The following KCNAB1 variants were observed in gnomAD, a reference collection of about 807,000 sequenced individuals.
KCNAB1 encodes the protein voltage-gated potassium channel subunit beta-1.
In KCNAB1, 35 loss-of-function variants were observed where a neutral mutation model predicts 64.6. The ratio of observed to expected loss-of-function variants is 0.54; its 90% CI spans 0.41 to 0.72. The LOEUF is 0.72. Ranked by LOEUF, KCNAB1 falls within the 30% of genes least tolerant of loss-of-function variation. KCNAB1 has a pLI of 0.00. For missense variants in KCNAB1, 401 were observed against 512.9 expected (o/e 0.78, Z 2.11); for synonymous variants, 177 against 183.8 (o/e 0.96, Z 0.30).
intron 1 of KCNAB1, among the ~76,000 whole-genome samples, chr3:156,158,199 T>A (rs867252483): frequency 0.011 from 1,595 of 138,974 alleles, 42 homozygotes; most frequent in Non-Finnish European, 0.019. Context: ...AATAAATAAA[T>A]AAATAAATAA....
intron 1 of KCNAB1, among the ~76,000 whole-genome samples, chr3:156,285,249 G>T (rs1430333076): frequency 6.6e-6 from 1 of 152,156 alleles, no homozygotes; most frequent in African/African-American, 2.4e-5. Context: ...CAAATTCTCT[G>T]TGAGTTAAGG....
chr3:156,360,954 G>A (rs1191928817), intron 1 of KCNAB1, among the ~76,000 whole-genome samples: 2 of 151,838 alleles, frequency 1.3e-5, no homozygotes, highest in Non-Finnish European at 2.9e-5. Flanking sequence ...TGTCTCCCTT[G>A]TCCCCTTGGC....
intron 1 of KCNAB1, among the ~76,000 whole-genome samples, chr3:156,244,834 A>G (rs899503492): frequency 1.3e-5 from 2 of 152,228 alleles, no homozygotes; most frequent in African/African-American, 2.4e-5. Context: ...TTTGTTGGTC[A>G]TATCAATTCA....
At chr3:156,411,130 C>T (rs1258279916) in intron 1 of KCNAB1, among the ~76,000 whole-genome samples, 2 of 152,132 alleles carry the variant, frequency 1.3e-5, no homozygotes, top group Non-Finnish European at 2.9e-5. Context: ...TGTTATCTTA[C>T]ACTTTCTAAT....
chr3:156,254,002 G>A (rs1210115863), intron 1 of KCNAB1, among the ~76,000 whole-genome samples: 1 of 152,182 alleles, frequency 6.6e-6, no homozygotes, highest in Non-Finnish European at 1.5e-5. Flanking sequence ...CAGAAGACAG[G>A]TATGTTCCTC....
In KCNAB1 at chr3:156,251,038, A is replaced by G. The variant is rs778309277; in HGVS notation, c.275+130152A>G. Among the ~76,000 whole-genome samples, 25 of 152,188 alleles carry G rather than the reference A, an allele frequency of 1.6e-4. 1 individual carries two copies. Among genetic ancestry groups the G allele is most frequent in the Admixed American group, 3.3e-4 (5 of 15,282 alleles). On this transcript the variant is annotated intron_variant, in intron 1 of 13. Coordinates refer to ENST00000490337, the MANE Select transcript of KCNAB1 (RefSeq NM_172160.3). Reference sequence around the variant, plus strand: ...AGAAGCTGGAAGGTACCCAGAGGGGAATTTTTATGAAAAATAGAAACTCAA... The same window carrying G: ...AGAAGCTGGAAGGTACCCAGAGGGGGATTTTTATGAAAAATAGAAACTCAA...
intron 8 of KCNAB1, among the ~76,000 whole-genome samples, chr3:156,503,473 A>G (rs987842633): frequency 3.9e-5 from 6 of 152,162 alleles, no homozygotes; most frequent in African/African-American, 1.4e-4. Flanking sequence ...TATTAAGAGG[A>G]TATAGCATCC....
intron 8 of KCNAB1, among the ~76,000 whole-genome samples, chr3:156,481,419 CAAA>C (rs34963527): frequency 6.8e-4 from 81 of 119,442 alleles, no homozygotes; most frequent in Non-Finnish European, 7.1e-4. Context: ...AAGCTTGTTG[CAAA>C]AAAAAAAAAA....
At chr3:156,147,823 C>A (rs1465025645) in intron 1 of KCNAB1, among the ~76,000 whole-genome samples, 7 of 152,082 alleles carry the variant, frequency 4.6e-5, no homozygotes, top group Admixed American at 1.3e-4. Flanking sequence ...GGTTGCACTT[C>A]TAGCTAGCAA....
At chr3:156,357,116 T>TTC (rs139325515) in intron 1 of KCNAB1, among the ~76,000 whole-genome samples, 23 of 146,590 alleles carry the variant, frequency 1.6e-4, no homozygotes, top group Middle Eastern at 3.5e-3. Flanking sequence ...ATACCACACA[T>TTC]TCTCTCTCTC....
intron 1 of KCNAB1, among the ~76,000 whole-genome samples, chr3:156,321,951 A>G (rs1722686539): frequency 6.6e-6 from 1 of 152,246 alleles, no homozygotes; most frequent in African/African-American, 2.4e-5. Flanking sequence ...TACCCTTGAA[A>G]ATAGGAAGGC....
At chr3:156,396,877 G>A (rs1251508376) in intron 1 of KCNAB1, among the ~76,000 whole-genome samples, 2 of 152,188 alleles carry the variant, frequency 1.3e-5, no homozygotes, top group Non-Finnish European at 2.9e-5. Context: ...CACATAACCA[G>A]TTACTTCAGT....
upstream of KCNAB1, among the ~76,000 whole-genome samples, chr3:156,119,128 A>C (rs1020805709): frequency 1.3e-5 from 2 of 152,206 alleles, no homozygotes; most frequent in Admixed American, 1.3e-4. Flanking sequence ...CATGGCTGTT[A>C]ATTGGTTAAT....
At chr3:156,175,836 A>G (rs1712332672) in intron 1 of KCNAB1, 1 of 657,696 alleles carries the variant, frequency 1.5e-6, no homozygotes, top group Non-Finnish European at 2.9e-6. Context: ...CTCAAAGACA[A>G]GTAGCCTTGG....
rs142779777 is a variant in KCNAB1, at chr3:156,273,418, T to C, written c.276-148198T>C. On this transcript the variant is annotated intron_variant, in intron 1 of 13. Coordinates refer to ENST00000490337, the MANE Select transcript of KCNAB1 (RefSeq NM_172160.3). ...ACTGCTGGGATGGGTAATTCCCCTCTGGCTAGGCCTGGTCTAAATGCTCCT... is the reference window on the plus strand; with the variant it reads ...ACTGCTGGGATGGGTAATTCCCCTCCGGCTAGGCCTGGTCTAAATGCTCCT... 2.4e-3 allele frequency: 777 copies of C among 323,618 alleles called. 12 individuals are homozygous for C. Among genetic ancestry groups the C allele is most frequent in the Middle Eastern group, 0.015 (34 of 2,310 alleles). The allele number at this position is 323,618 out of a possible 1,614,324, so 20.0% of individuals were successfully genotyped here.
chr3:156,280,894 A>G (rs1284564735), intron 1 of KCNAB1, among the ~76,000 whole-genome samples: 6 of 149,166 alleles, frequency 4.0e-5, no homozygotes, highest in East Asian at 2.0e-4. Flanking sequence ...TAGATAAACA[A>G]TCATGTCATC....
At chr3:156,287,814 C>T (rs1275833549) in intron 1 of KCNAB1, among the ~76,000 whole-genome samples, 1 of 148,682 alleles carries the variant, frequency 6.7e-6, no homozygotes, top group African/African-American at 2.5e-5. Flanking sequence ...AAAAAAAAAA[C>T]TCGAAATACA....
intron 1 of KCNAB1, chr3:156,176,819 C>G (rs577128095): frequency 3.3e-6 from 3 of 904,050 alleles, no homozygotes; most frequent in Non-Finnish European, 5.5e-6. Context: ...CTCCAGGGCC[C>G]GATCCCGCCA....
At chr3:156,270,207 C>T (rs1434606783) in intron 1 of KCNAB1, among the ~76,000 whole-genome samples, 14 of 152,260 alleles carry the variant, frequency 9.2e-5, no homozygotes, top group African/African-American at 2.4e-4. Context: ...TGAGCCACTG[C>T]GCCCGGCCAT....
Sources: gnomAD v4.1 joint callset for allele counts (sites outside exome capture counted in the v4.1 genomes callset) on GRCh38, gnomAD v4.1.1 for gene constraint, MANE v1.5 for transcripts, NCBI Gene and HGNC (gene_info 2026-07-23, HGNC 2026-07-21) for gene names.